COPG2: variants seen among roughly 807,000 people sequenced by gnomAD.
The protein encoded by COPG2 is coat protein complex I subunit gamma 2, also known as coatomer subunit gamma-2.
Under a neutral mutation model 46.3 loss-of-function variants are expected in COPG2, and 37 were observed. That is an observed-to-expected ratio of 0.80 (90% CI 0.61 to 1.05). The LOEUF is 1.05. Among genes scored for constraint, COPG2 ranks in the 50% least tolerant of loss-of-function variants. The pLI is 0.00. For missense variants in COPG2, 427 were observed against 387.8 expected, an observed-to-expected ratio of 1.10 and a Z score of -0.85; for synonymous variants, 159 against 129.7, an observed-to-expected ratio of 1.23 and a Z score of -1.53.
rs782816853 is a variant in COPG2 at position 130,506,719 on chromosome 7, T to C, written c.2573A>G (p.Lys858Arg). ...GVTMQVTVRS[K>R]ERTPVDVILA... is the part of the protein sequence containing the mutation. ...GATAACATCTACAGGTGTTCTCTCT[T>C]TACTTCTGACAGTCACCTGCATGGT... Residue 858 changes from lysine to arginine, a missense_variant, in exon 24 of 24, where the codon AAA becomes AGA. Transcript: ENST00000425248. 3 of 780,442 alleles carry C rather than the reference T, an allele frequency of 3.8e-6. No individual in the cohort carries two copies. Among genetic ancestry groups the C allele is most frequent in the African/African-American group, 3.4e-5 (2 of 59,124 alleles). 48.3% of individuals were successfully genotyped at this position (780,442 alleles called of 1,614,324 possible).
intron 9 of COPG2, chr7:130,607,882 C>G (rs1191601675): frequency 2.0e-6 from 1 of 501,900 alleles, no homozygotes; most frequent in Non-Finnish European, 4.0e-6. Context: ...TTTTGTCTTT[C>G]AGGCATCAAC....
chr7:130,530,244 C>T lies in COPG2; in HGVS notation c.2149+17430G>A, dbSNP rs886326637. Among the ~76,000 whole-genome samples the T allele has an allele frequency of 1.4e-3, 217 of 151,974 alleles. 1 individual carries two copies. The highest frequency in any genetic ancestry group is 4.5e-3 in the African/African-American group (188 of 41,438). ...TTGATGGGGAGCAGATGGGCAGGCACGATGGCAGGGGTGCATCGGCTCACT... is the reference window on the plus strand; with the variant it reads ...TTGATGGGGAGCAGATGGGCAGGCATGATGGCAGGGGTGCATCGGCTCACT... On this transcript the variant is annotated intron_variant, in intron 20 of 23. Coordinates refer to ENST00000425248, the MANE Select transcript of COPG2 (RefSeq NM_012133.6).
chr7:130,563,073 C>T (rs1222448766), intron 11 of COPG2, among the ~76,000 whole-genome samples, 196 bp downstream of exon 11: 1 of 152,126 alleles, frequency 6.6e-6, no homozygotes, highest in East Asian at 1.9e-4. Flanking sequence ...GCTTAGAAGT[C>T]AGAAATGAGT....
At chr7:130,524,013 G>C (rs1188793716) in intron 20 of COPG2, among the ~76,000 whole-genome samples, 2 of 152,066 alleles carry the variant, frequency 1.3e-5, no homozygotes, top group East Asian at 3.9e-4. Context: ...GAGCGCTGAT[G>C]ACAAAAGTGC....
At chr7:130,521,868 G>T (rs1173801465) in intron 20 of COPG2, among the ~76,000 whole-genome samples, 1 of 152,122 alleles carries the variant, frequency 6.6e-6, no homozygotes, top group Non-Finnish European at 1.5e-5. Flanking sequence ...GGGTGAGGTA[G>T]AAAAGAAGCA....
chr7:130,599,228 T>A (rs573956127), intron 9 of COPG2, among the ~76,000 whole-genome samples: 19 of 152,178 alleles, frequency 1.2e-4, no homozygotes, highest in Non-Finnish European at 2.5e-4. Flanking sequence ...CACCTGAGTA[T>A]AGAAAACTCC....
intron 9 of COPG2, among the ~76,000 whole-genome samples, chr7:130,590,510 G>C (rs369786489): frequency 8.5e-5 from 13 of 152,094 alleles, no homozygotes; most frequent in African/African-American, 3.1e-4. Flanking sequence ...CGCCAGCCTC[G>C]GCCTCCCGAG....
Position 130,547,788 on chromosome 7 carries a change from C to T in COPG2, c.2035G>A (p.Glu679Lys), listed in dbSNP as rs1415250928. Residue 679 changes from glutamate to lysine, a missense_variant, in exon 20 of 24, where the codon GAG becomes AAG. By Grantham distance (56) the Glu-to-Lys change is moderately conservative (BLOSUM62 1). Coordinates refer to ENST00000425248, the MANE Select transcript of COPG2 (RefSeq NM_012133.6). The stretch of plus-strand genomic sequence containing the variant: ...AGCACTTCATAGGAATCTGATGGCT[C>T]CATCTGCACTGTCACTTTTTCCAGC... ...QLLEKVTVQMEPSDSYEVLSC... is the reference protein window; with the variant it reads ...QLLEKVTVQMKPSDSYEVLSC... 2.5e-6 allele frequency: 1 copy of T among 399,012 alleles called. No individual in the cohort carries two copies. The highest frequency in any genetic ancestry group is 4.4e-6 in the Non-Finnish European group (1 of 226,324). The allele number at this position is 399,012 out of a possible 1,614,324, so 24.7% of individuals were successfully genotyped here. A position where few individuals can be genotyped will look rare whatever the true frequency, so the allele number is the denominator to read the frequency against.
chr7:130,578,961 A>C (rs1468017413), intron 9 of COPG2, among the ~76,000 whole-genome samples: 12 of 148,056 alleles, frequency 8.1e-5, no homozygotes, highest in Non-Finnish European at 1.5e-4. Context: ...CAATCTAGCA[A>C]GGCAGGCCAA....
At chr7:130,640,921 A>T (rs1795452071) in intron 5 of COPG2, among the ~76,000 whole-genome samples, 1 of 152,214 alleles carries the variant, frequency 6.6e-6, no homozygotes, top group Non-Finnish European at 1.5e-5. Flanking sequence ...TATTGATGAT[A>T]CAAAGTTATA....
intron 5 of COPG2, among the ~76,000 whole-genome samples, chr7:130,622,412 G>A (rs1795055714): frequency 6.6e-6 from 1 of 152,150 alleles, no homozygotes; most frequent in Non-Finnish European, 1.5e-5. Context: ...AGCCCCAAAA[G>A]ACTTGCTCAT....
At chr7:130,511,044 T>G (rs1799586858) in intron 20 of COPG2, 2 of 509,398 alleles carry the variant, frequency 3.9e-6, no homozygotes, top group Non-Finnish European at 7.8e-6. Context: ...CTAAGGAGAT[T>G]TGTATGAAAA....
intron 9 of COPG2, chr7:130,607,661 A>G (rs575222633): frequency 3.9e-6 from 2 of 517,618 alleles, no homozygotes; most frequent in Non-Finnish European, 7.7e-6. Flanking sequence ...TGATTTTTGT[A>G]GAGTTTAAAA....
At position 130,547,731 on chromosome 7, in the gene COPG2, T is replaced by G; in HGVS notation, c.2092A>C (p.Asn698His). The G allele has an allele frequency of 2.5e-6, 1 of 398,652 alleles. No individual in the cohort carries two copies. Among genetic ancestry groups the G allele is most frequent in the Non-Finnish European group, 4.4e-6 (1 of 226,104 alleles). 24.7% of individuals were successfully genotyped at this position (398,652 alleles called of 1,614,324 possible). Residue 698 changes from asparagine (N) to histidine (H), a missense_variant, in exon 20 of 24, where the codon AAC becomes CAC. Asn to His is a moderately conservative substitution (Grantham distance 68). Transcript: ENST00000425248. The part of the protein sequence containing the change: ...SCIPAPSLPY[N>H]QPGICYTLVR... ...AGAGTGTAACATATTCCTGGTTGGTTATAAGGAAGGCTGGGGGCTGGGATA... is the reference window on the plus strand; with the variant it reads ...AGAGTGTAACATATTCCTGGTTGGTGATAAGGAAGGCTGGGGGCTGGGATA...
intron 9 of COPG2, among the ~76,000 whole-genome samples, chr7:130,579,005 A>G (rs1794075622): frequency 7.5e-6 from 1 of 133,818 alleles, no homozygotes; most frequent in African/African-American, 2.9e-5. Flanking sequence ...GAACGCCACA[A>G]AGATACTCCT....
chr7:130,634,415 T>C (rs782194033), intron 5 of COPG2, among the ~76,000 whole-genome samples: 4 of 152,276 alleles, frequency 2.6e-5, no homozygotes, highest in Non-Finnish European at 5.9e-5. Context: ...AGTTTGTAGT[T>C]CTCCTTGAAG....
chr7:130,593,413 A>G (rs1794468656), intron 9 of COPG2, among the ~76,000 whole-genome samples: 1 of 152,254 alleles, frequency 6.6e-6, no homozygotes, highest in Non-Finnish European at 1.5e-5. Context: ...GTAATCCCTG[A>G]TGAAATTATA....
intron 9 of COPG2, among the ~76,000 whole-genome samples, chr7:130,576,889 G>C (rs1794008066): frequency 1.3e-5 from 2 of 152,100 alleles, no homozygotes; most frequent in Admixed American, 1.3e-4. Flanking sequence ...ACCAAGAAGA[G>C]AGAAAATCCA....
intron 9 of COPG2, chr7:130,607,505 T>A: frequency 2.3e-6 from 1 of 432,950 alleles, no homozygotes; most frequent in Non-Finnish European, 4.6e-6. Context: ...GCAAGAAGCT[T>A]GGCTGGGATC....
Sources: allele counts gnomAD v4.1 joint callset (sites outside exome capture counted in the v4.1 genomes callset), GRCh38; gene constraint gnomAD v4.1.1; transcripts MANE v1.5; gene names NCBI Gene and HGNC (gene_info 2026-07-23, HGNC 2026-07-21).